CC2D2A: variants seen among roughly 807,000 people sequenced by gnomAD.
The protein encoded by CC2D2A is coiled-coil and C2 domain-containing protein 2A.
Under a neutral mutation model 212.9 loss-of-function variants are expected in CC2D2A, and 155 were observed. The observed-to-expected ratio is 0.73, with a 90% CI of 0.64 to 0.83. The LOEUF is 0.83. Ranked by LOEUF, CC2D2A falls within the 40% of genes least tolerant of loss-of-function variation. CC2D2A has a pLI of 0.00. For missense variants in CC2D2A, 1,856 were observed against 1,956.2 expected, an observed-to-expected ratio of 0.95 and a Z score of 0.97; for synonymous variants, 667 against 686.5, an observed-to-expected ratio of 0.97 and a Z score of 0.44.
At chr4:15,563,324 T>TA in intron 23 of CC2D2A, 31 bp from the exon 24 acceptor site, 1 of 1,555,026 alleles carries the variant, frequency 6.4e-7, no homozygotes, top group Non-Finnish European at 8.7e-7. Context: ...TTCTTTTTCT[T>TA]AGAGTCCTGA....
intron 17 of CC2D2A, among the ~76,000 whole-genome samples, chr4:15,547,200 T>C: frequency 6.6e-6 from 1 of 152,244 alleles, no homozygotes; most frequent in Non-Finnish European, 1.5e-5. Context: ...ATAATAATTG[T>C]ATGTATTTAT....
At chr4:15,505,431 C>A (rs76735088) in intron 6 of CC2D2A, among the ~76,000 whole-genome samples, 3,426 of 152,246 alleles carry the variant, frequency 0.023, 70 homozygotes, top group Non-Finnish European at 0.032. Flanking sequence ...AAGATCTGAT[C>A]CTTGAATCTA....
At chr4:15,510,052 T>C (rs1716479119) in intron 6 of CC2D2A, 87 bp from the exon 7 acceptor site, 2 of 964,292 alleles carry the variant, frequency 2.1e-6, no homozygotes, top group East Asian at 2.5e-5. Flanking sequence ...GATAAGCCTT[T>C]GGGATGGGGG....
At chr4:15,480,869 C>G in intron 4 of CC2D2A, 42 bp downstream of exon 4, 1 of 1,595,822 alleles carries the variant, frequency 6.3e-7, no homozygotes, top group Non-Finnish European at 8.6e-7. Flanking sequence ...TGTTAACTGC[C>G]TACTGTGAGC....
chr4:15,502,299 T>C, intron 4 of CC2D2A, 130 bp from the exon 5 acceptor site: 1 of 701,192 alleles, frequency 1.4e-6, no homozygotes, highest in Middle Eastern at 4.2e-4. Flanking sequence ...AAAATAAAAT[T>C]ATGTTCTCTT....
In CC2D2A at chr4:15,596,150, G is replaced by C; in HGVS notation, c.4380G>C (p.Lys1460Asn). The C allele has an allele frequency of 6.5e-7, 1 of 1,549,464 alleles. No homozygotes were observed. The highest frequency in any genetic ancestry group is 8.7e-7 in the Non-Finnish European group (1 of 1,145,896). The change falls in exon 34 of 37, where the codon AAG (lysine) becomes AAC (asparagine). Residue 1460 changes from lysine (K) to asparagine (N), a missense_variant. By Grantham distance (94) the Lys-to-Asn change is moderately conservative (BLOSUM62 0). This residue lies in a region of CC2D2A where 285 missense variants were observed against 278.4 expected (regional missense o/e 1.02). Transcript: ENST00000424120. Reference sequence around the variant, plus strand: ...TAAATTTTGATGTCACCAGGCCCAAGCTATGGAAATCTTTCTTTTCAAGAA... The same window carrying C: ...TAAATTTTGATGTCACCAGGCCCAACCTATGGAAATCTTTCTTTTCAAGAA... Reference protein sequence around the residue: ...LRINFDVTRPKLWKSFFSRSL... With the variant: ...LRINFDVTRPNLWKSFFSRSL...
chr4:15,541,929 G>T (rs1052653702), intron 17 of CC2D2A, among the ~76,000 whole-genome samples: 1 of 152,100 alleles, frequency 6.6e-6, no homozygotes, highest in South Asian at 2.1e-4. Context: ...CGTCAGTAGG[G>T]CCATACTCCC....
intron 11 of CC2D2A, among the ~76,000 whole-genome samples, chr4:15,518,465 G>T (rs796694926): frequency 2.6e-5 from 4 of 152,310 alleles, no homozygotes; most frequent in African/African-American, 9.6e-5. Flanking sequence ...CACAGTGCAA[G>T]CTGTCAGTGG....
intron 4 of CC2D2A, among the ~76,000 whole-genome samples, chr4:15,487,109 G>A (rs1309740496): frequency 1.3e-5 from 2 of 152,072 alleles, no homozygotes; most frequent in Admixed American, 1.3e-4. Context: ...AGAGAAAAAT[G>A]TGTATTCTGC....
At chr4:15,584,661 C>G (rs1720788132) in intron 30 of CC2D2A, among the ~76,000 whole-genome samples, 1 of 151,974 alleles carries the variant, frequency 6.6e-6, no homozygotes, top group South Asian at 2.1e-4. Context: ...TTACATCAAT[C>G]TAAAAAGCTT....
intron 11 of CC2D2A, among the ~76,000 whole-genome samples, chr4:15,517,541 C>G (rs1012337624): frequency 1.3e-5 from 2 of 152,174 alleles, no homozygotes; most frequent in Non-Finnish European, 2.9e-5. Flanking sequence ...CCATTAGTCT[C>G]TCATGCCTCA....
chr4:15,586,822 T>C (rs1479174618), intron 31 of CC2D2A, among the ~76,000 whole-genome samples: 1 of 152,250 alleles, frequency 6.6e-6, no homozygotes, highest in Non-Finnish European at 1.5e-5. Flanking sequence ...GGATCTCATG[T>C]TGTACTGCTT....
Position 15,553,284 on chromosome 4 carries a change from A to G in CC2D2A, c.2465A>G (p.Gln822Arg). The G allele has an allele frequency of 6.2e-7, 1 of 1,613,116 alleles. No individual in the cohort carries two copies. The highest frequency in any genetic ancestry group is 1.7e-5 in the Admixed American group (1 of 59,890). Residue 822 changes from glutamine (Q) to arginine (R), a missense_variant, in exon 19 of 37, where the codon CAG becomes CGG. Gln to Arg is a conservative substitution (Grantham distance 43). Coordinates refer to ENST00000424120, the MANE Select transcript of CC2D2A (RefSeq NM_001378615.1). The stretch of plus-strand genomic sequence containing the variant: ...ATACCTTTAATTCCTCCATTGTCAC[A>G]GCAGAACATCGGATTTCGGAGGTAA... ...NGIPLIPPLS[Q>R]QNIGFRSALK...
chr4:15,506,826 C>T (rs1239121180), intron 6 of CC2D2A, among the ~76,000 whole-genome samples: 1 of 152,002 alleles, frequency 6.6e-6, no homozygotes, highest in Non-Finnish European at 1.5e-5. Flanking sequence ...GTAATCCCAG[C>T]ACTTTGGGAG....
chr4:15,591,758 A>T lies in CC2D2A; in HGVS notation c.4314+2079A>T, dbSNP rs141204458. 4.3e-4 allele frequency among the ~76,000 whole-genome samples: 66 copies of T among 152,338 alleles called. No homozygotes were observed. The East Asian group carries it at 0.012, about 27-fold the overall frequency. On this transcript the variant is annotated intron_variant, in intron 33 of 36. Coordinates refer to ENST00000424120, the MANE Select transcript of CC2D2A (RefSeq NM_001378615.1). ...ACATTTAGAGGATCATTTTAAGGTC[A>T]TTAGTAATCAAGCAGGGTTAACAGG... is the stretch of plus-strand genomic sequence containing the variant.
At chr4:15,471,034 T>C (rs1186251573) in intron 1 of CC2D2A, among the ~76,000 whole-genome samples, 6 of 152,122 alleles carry the variant, frequency 3.9e-5, no homozygotes, top group African/African-American at 1.2e-4. Context: ...AATATGGTAC[T>C]CATGTGTACT....
Position 15,514,689 on chromosome 4 carries a change from C to A in CC2D2A, c.718-18C>A, listed in dbSNP as rs1029316601. On this transcript the variant is annotated intron_variant, in intron 8 of 36. Coordinates refer to ENST00000424120, the MANE Select transcript of CC2D2A (RefSeq NM_001378615.1). ...ATCTTAGCATGATTTTTTCTTGTTACTTTTTAACATTATGCAGGATGAGGA... is the reference window on the plus strand; with the variant it reads ...ATCTTAGCATGATTTTTTCTTGTTAATTTTTAACATTATGCAGGATGAGGA... 1 of 1,467,178 alleles carries A rather than the reference C, an allele frequency of 6.8e-7. No homozygotes were observed. The highest frequency in any genetic ancestry group is 2.2e-5 in the Admixed American group (1 of 44,578). The allele number at this position is 1,467,178 out of a possible 1,614,324, so 90.9% of individuals were successfully genotyped here. A position where few individuals can be genotyped will look rare whatever the true frequency, so the allele number is the denominator to read the frequency against.
intron 6 of CC2D2A, among the ~76,000 whole-genome samples, chr4:15,504,229 T>C (rs991714463): frequency 3.9e-5 from 6 of 152,296 alleles, no homozygotes; most frequent in Admixed American, 3.9e-4. Context: ...TTGTTTATGT[T>C]TTGTGGTCGT....
At chr4:15,500,486 T>C (rs554186640) in intron 4 of CC2D2A, among the ~76,000 whole-genome samples, 2 of 152,334 alleles carry the variant, frequency 1.3e-5, no homozygotes, top group South Asian at 4.1e-4. Context: ...ATTAAGCTAA[T>C]GGAGATTCTC....
Sources: allele counts gnomAD v4.1 joint callset (sites outside exome capture counted in the v4.1 genomes callset), GRCh38; gene constraint gnomAD v4.1.1; regional missense constraint gnomAD v4.1.1; transcripts MANE v1.5; gene names NCBI Gene and HGNC (gene_info 2026-07-23, HGNC 2026-07-21).